The following TP63 variants were observed in gnomAD, a reference collection of about 807,000 sequenced individuals.
The protein encoded by TP63 is tumor protein 63.
A neutral mutation model predicts 82.8 loss-of-function variants in TP63; 17 were observed. The observed-to-expected ratio is 0.21, with a 90% confidence interval of 0.14 to 0.31. TP63 has a LOEUF of 0.31. TP63 is among the 10% of genes least tolerant of loss of function. TP63 has a pLI of 1.00. For missense variants in TP63, 648 were observed against 895.3 expected (o/e 0.72, Z 3.52); for synonymous variants, 330 against 321.7 (o/e 1.03, Z -0.28).
At chr3:189,676,702 C>T (rs183460204) in intron 1 of TP63, among the ~76,000 whole-genome samples, 153 of 152,036 alleles carry the variant, frequency 1.0e-3, no homozygotes, top group African/African-American at 3.5e-3. Flanking sequence ...GAATAGTGTA[C>T]GTCAGGAATC....
At chr3:189,598,879 C>A in the TP63 span, among the ~76,000 whole-genome samples, 5 of 152,178 alleles carry the variant, frequency 3.3e-5, no homozygotes, top group Non-Finnish European at 7.3e-5. Context: ...AATCTAGAGG[C>A]CCCAGAGAGT....
rs142394500 is a variant in TP63, at chr3:189,847,014, G to A, written c.580-17218G>A. On this transcript the variant is annotated intron_variant, in intron 4 of 13. Transcript: ENST00000264731. Reference sequence around the variant, plus strand: ...TCTTTATTAAAGAGTCACTTTGCCAGTGCAAATCTGGTAACTGCGTTCTCT... The same window carrying A: ...TCTTTATTAAAGAGTCACTTTGCCAATGCAAATCTGGTAACTGCGTTCTCT... 5.0e-3 allele frequency among the ~76,000 whole-genome samples: 757 copies of A among 152,200 alleles called. 10 individuals are homozygous for A. The highest frequency in any genetic ancestry group is 0.018 in the African/African-American group (741 of 41,540).
At chr3:189,647,303 A>T (rs1398401768) in intron 1 of TP63, among the ~76,000 whole-genome samples, 1 of 147,000 alleles carries the variant, frequency 6.8e-6, no homozygotes, top group Non-Finnish European at 1.5e-5. Flanking sequence ...AATTAGTCAT[A>T]CCCTAAACCA....
At chr3:189,643,450 C>T (rs1001980159) in intron 1 of TP63, among the ~76,000 whole-genome samples, 1 of 81,412 alleles carries the variant, frequency 1.2e-5, no homozygotes, top group African/African-American at 3.1e-5. Context: ...ATCCTTTAAA[C>T]TGATTAAAAA....
chr3:189,872,588 G>C (rs140811932), intron 9 of TP63, among the ~76,000 whole-genome samples: 2 of 152,018 alleles, frequency 1.3e-5, no homozygotes, highest in Non-Finnish European at 2.9e-5. Context: ...TGAAAAGAAC[G>C]TGGGTTTACG....
chr3:189,880,530 C>A, intron 10 of TP63: 1 of 993,218 alleles, frequency 1.0e-6, no homozygotes, highest in Non-Finnish European at 1.2e-6. Context: ...TTTCTGTCTT[C>A]TTCTGTTGTT....
chr3:189,891,346 C>T (rs756623963), intron 13 of TP63, among the ~76,000 whole-genome samples: 2 of 152,212 alleles, frequency 1.3e-5, no homozygotes, highest in African/African-American at 2.4e-5. Flanking sequence ...AGAACACAAA[C>T]GTGTAAGCTT....
At chr3:189,678,594 G>T (rs1041623749) in intron 1 of TP63, among the ~76,000 whole-genome samples, 2 of 151,690 alleles carry the variant, frequency 1.3e-5, no homozygotes, top group African/African-American at 4.8e-5. Flanking sequence ...TATAAATTTC[G>T]GGTTTGTTTT....
intron 3 of TP63, among the ~76,000 whole-genome samples, chr3:189,781,203 A>G (rs1437286382): frequency 1.3e-5 from 2 of 152,200 alleles, no homozygotes; most frequent in Non-Finnish European, 2.9e-5. Context: ...AGCTACAGAT[A>G]CCACATTTAC....
At chr3:189,608,185 G>T in the TP63 span, among the ~76,000 whole-genome samples, 1 of 152,152 alleles carries the variant, frequency 6.6e-6, no homozygotes, top group African/African-American at 2.4e-5. Flanking sequence ...GTATGTGTTG[G>T]GGTAGATGGT....
intron 1 of TP63, 67 bp downstream of exon 1, chr3:189,631,644 T>G: frequency 1.2e-6 from 2 of 1,609,910 alleles, no homozygotes; most frequent in South Asian, 1.1e-5. Flanking sequence ...TATGAATGTG[T>G]CAGCTGTGTA....
chr3:189,684,862 C>T (rs998462121), intron 1 of TP63, among the ~76,000 whole-genome samples: 25 of 152,110 alleles, frequency 1.6e-4, no homozygotes, highest in African/African-American at 6.0e-4. Flanking sequence ...GGACTCCTGA[C>T]CTCAGATGAT....
intron 4 of TP63, among the ~76,000 whole-genome samples, chr3:189,824,404 T>C (rs1420145258): frequency 6.6e-6 from 1 of 151,916 alleles, no homozygotes; most frequent in Non-Finnish European, 1.5e-5. Flanking sequence ...GGCTAATTTT[T>C]GTATTTTTAG....
At chr3:189,705,604 C>T (rs1287391547) in intron 1 of TP63, among the ~76,000 whole-genome samples, 2 of 152,098 alleles carry the variant, frequency 1.3e-5, no homozygotes, top group African/African-American at 2.4e-5. Context: ...CATCCCAGAT[C>T]AGAACCTCTA....
upstream of TP63, among the ~76,000 whole-genome samples, chr3:189,627,833 AC>A (rs1270680931): frequency 6.6e-6 from 1 of 152,036 alleles, no homozygotes; most frequent in Admixed American, 6.6e-5. Flanking sequence ...CTAATGTGTC[AC>A]CTCCTCAGAC....
chr3:189,892,356 T>G (rs1422223743), intron 13 of TP63, among the ~76,000 whole-genome samples: 1 of 152,238 alleles, frequency 6.6e-6, no homozygotes, highest in Non-Finnish European at 1.5e-5. Flanking sequence ...TATGCCAATC[T>G]GTGGGCCACA....
intron 3 of TP63, among the ~76,000 whole-genome samples, chr3:189,759,313 C>G (rs1407116647): frequency 6.6e-6 from 1 of 152,122 alleles, no homozygotes; most frequent in Non-Finnish European, 1.5e-5. Flanking sequence ...TGTTTGAGAA[C>G]CAGTGGTACA....
intron 3 of TP63, among the ~76,000 whole-genome samples, chr3:189,801,987 G>A (rs1418547435): frequency 6.6e-6 from 1 of 152,182 alleles, no homozygotes; most frequent in Non-Finnish European, 1.5e-5. Flanking sequence ...GAAAGATGGT[G>A]TTTTAACTTG....
At chr3:189,808,671 G>C (rs956745220) in intron 4 of TP63, 145 bp downstream of exon 4, 2 of 1,456,542 alleles carry the variant, frequency 1.4e-6, no homozygotes, top group Admixed American at 1.9e-5. Context: ...TACTGAACCA[G>C]AGAGAGAGAA....
Sources: gnomAD v4.1 joint callset for allele counts (sites outside exome capture counted in the v4.1 genomes callset) on GRCh38, gnomAD v4.1.1 for gene constraint, MANE v1.5 for transcripts, NCBI Gene and HGNC (gene_info 2026-07-23, HGNC 2026-07-21) for gene names.